The following RBM17 variants were observed in gnomAD, a reference collection of about 807,000 sequenced individuals.
The protein encoded by RBM17 is splicing factor 45.
Under a neutral mutation model 53.2 loss-of-function variants are expected in RBM17, and 7 were observed. The observed-to-expected ratio is 0.13, with a 90% CI of 0.07 to 0.25. RBM17 has a LOEUF of 0.25. Among genes scored for constraint, RBM17 ranks in the 10% least tolerant of loss-of-function variants. The pLI, the probability that RBM17 is intolerant of heterozygous loss-of-function variation, is 1.00. For missense variants in RBM17, 257 were observed against 496.7 expected, an observed-to-expected ratio of 0.52 and a Z score of 4.59; for synonymous variants, 167 against 178.1, an observed-to-expected ratio of 0.94 and a Z score of 0.50.
intron 1 of RBM17, among the ~76,000 whole-genome samples, chr10:6,091,363 C>G (rs1184329592): frequency 6.6e-6 from 1 of 151,808 alleles, no homozygotes; most frequent in Non-Finnish European, 1.5e-5. Flanking sequence ...CCGGTCTTGC[C>G]ATATTCTTTA....
Position 6,101,355 on chromosome 10 carries a change from G to C in RBM17, c.208G>C (p.Asp70His). The C allele has an allele frequency of 6.2e-7, 1 of 1,613,534 alleles. No individual in the cohort carries two copies. The highest frequency in any genetic ancestry group is 8.5e-7 in the Non-Finnish European group (1 of 1,179,794). ...CTCCTCAGATGACCGGCAAATTGTG[G>C]ACACTCCACCGCATGTAGCAGCTGG... ...GGSSDDRQIV[D>H]TPPHVAAGLK... Residue 70 changes from aspartate (D) to histidine (H), a missense_variant, in exon 3 of 12, where the codon GAC becomes CAC. This residue lies in a region of RBM17 where 127 missense variants were observed against 217.2 expected (regional missense o/e 0.58). Transcript: ENST00000379888.
chr10:6,101,112 A>G (rs1331455624), intron 2 of RBM17, among the ~76,000 whole-genome samples, 159 bp from the exon 3 acceptor site: 1 of 152,228 alleles, frequency 6.6e-6, no homozygotes, highest in Non-Finnish European at 1.5e-5. Flanking sequence ...AAAATAATAT[A>G]TGATTATAGT....
intron 1 of RBM17, among the ~76,000 whole-genome samples, chr10:6,090,767 A>C (rs1355028276): frequency 6.6e-6 from 1 of 152,024 alleles, no homozygotes; most frequent in Non-Finnish European, 1.5e-5. Flanking sequence ...CTGTGTTTGC[A>C]ATACTAGCCT....
At chr10:6,099,506 T>G (rs1211107847) in intron 2 of RBM17, among the ~76,000 whole-genome samples, 2 of 152,170 alleles carry the variant, frequency 1.3e-5, no homozygotes, top group Admixed American at 1.3e-4. Flanking sequence ...CGTGCCCAAG[T>G]CCCTTATATA....
chr10:6,096,260 G>A (rs1224342887), intron 1 of RBM17, among the ~76,000 whole-genome samples: 3 of 152,124 alleles, frequency 2.0e-5, no homozygotes, highest in Admixed American at 6.5e-5. Context: ...AGGGGCTTCC[G>A]CTGTGGCCTT....
intron 3 of RBM17, among the ~76,000 whole-genome samples, chr10:6,101,656 G>A (rs3930531): frequency 7.2e-5 from 11 of 151,986 alleles, no homozygotes; most frequent in African/African-American, 2.7e-4. Context: ...AGTGAAAAAC[G>A]TAATATTTTT....
Position 6,112,382 on chromosome 10 carries a change from G to C in RBM17, c.856+21G>C. The C allele has an allele frequency of 6.2e-7, 1 of 1,613,448 alleles. No homozygotes were observed. Among genetic ancestry groups the C allele is most frequent in the Non-Finnish European group, 8.5e-7 (1 of 1,179,786 alleles). ...GAAAGGTGTGTCCCCAGGGAAGCGT[G>C]TGACTAGAGGGAAAGGACTGGCCCC... On this transcript the variant is annotated intron_variant, in intron 8 of 11. Coordinates refer to ENST00000379888, the MANE Select transcript of RBM17 (RefSeq NM_032905.5). The surrounding 1 kb of genome is among the most constrained non-coding windows in gnomAD (Gnocchi z 4.4).
chr10:6,117,233 C>G lies in RBM17; in HGVS notation c.*1677C>G, dbSNP rs781551249. 3 of 152,302 alleles carry G rather than the reference C, an allele frequency of 2.0e-5. No homozygotes were observed. Among genetic ancestry groups the G allele is most frequent in the African/African-American group, 7.2e-5 (3 of 41,444 alleles). 9.4% of individuals were successfully genotyped at this position (152,302 alleles called of 1,614,324 possible). ...TTGATTTCCGTTCGCATGAGGACAG[C>G]TTGGTGTGTGCCTTTCTCCCCAGTC... On this transcript the variant is annotated 3_prime_UTR_variant, in exon 12 of 12. Coordinates refer to ENST00000379888, the MANE Select transcript of RBM17 (RefSeq NM_032905.5).
chr10:6,107,507 ACT>A (rs1491521979), intron 5 of RBM17, among the ~76,000 whole-genome samples: 2 of 18,390 alleles, frequency 1.1e-4, no homozygotes, highest in African/African-American at 3.4e-4. Context: ...TTTTGGAGAC[ACT>A]CTTGCTCTGT....
chr10:6,098,365 T>G (rs989886392), intron 2 of RBM17, among the ~76,000 whole-genome samples: 3 of 152,114 alleles, frequency 2.0e-5, no homozygotes, highest in African/African-American at 7.2e-5. Context: ...AGATGTGTAC[T>G]GAAATATTTA....
chr10:6,093,766 T>C (rs1840525605), intron 1 of RBM17, among the ~76,000 whole-genome samples: 1 of 152,212 alleles, frequency 6.6e-6, no homozygotes, highest in African/African-American at 2.4e-5. Flanking sequence ...TATTTTTAGA[T>C]TTTTAGAATG....
intron 3 of RBM17, among the ~76,000 whole-genome samples, chr10:6,104,608 A>C (rs1013392297): frequency 6.6e-6 from 1 of 152,216 alleles, no homozygotes; most frequent in African/African-American, 2.4e-5. Context: ...GTGCTTTACT[A>C]TAAGTATTCT....
intron 2 of RBM17, among the ~76,000 whole-genome samples, chr10:6,098,736 T>C (rs909065268): frequency 1.3e-5 from 2 of 152,072 alleles, no homozygotes; most frequent in African/African-American, 4.8e-5. Flanking sequence ...CCACTGCGCC[T>C]GCGGTGTTTC....
intron 3 of RBM17, 67 bp downstream of exon 3, chr10:6,101,454 A>T: frequency 5.2e-6 from 5 of 958,928 alleles, no homozygotes; most frequent in Non-Finnish European, 8.0e-6. Context: ...TTTGCATATG[A>T]GTTACTCTTA....
chr10:6,092,777 A>C (rs976092390), intron 1 of RBM17, among the ~76,000 whole-genome samples: 2 of 152,260 alleles, frequency 1.3e-5, no homozygotes, highest in Non-Finnish European at 2.9e-5. Context: ...TATAAGCTCA[A>C]TGTTACAGAA....
chr10:6,096,523 TTTAAGATGTAACCAGTC>T (rs1840577359), intron 1 of RBM17, among the ~76,000 whole-genome samples: 1 of 152,194 alleles, frequency 6.6e-6, no homozygotes, highest in Non-Finnish European at 1.5e-5. Context: ...AATCAGAGTA[TTTAAGATGTAACCAGTC>T]TACTCCCCCC....
At chr10:6,115,192 A>G (rs377555009) in intron 10 of RBM17, 47 bp from the exon 11 acceptor site, 274 of 1,460,296 alleles carry the variant, frequency 1.9e-4, no homozygotes, top group African/African-American at 2.5e-4. Flanking sequence ...AACTCATTCA[A>G]TGCAATCTCA....
At chr10:6,091,145 A>G (rs1172074633) in intron 1 of RBM17, among the ~76,000 whole-genome samples, 1 of 151,604 alleles carries the variant, frequency 6.6e-6, no homozygotes, top group African/African-American at 2.4e-5. Flanking sequence ...TGCAACCTCC[A>G]CTTCCCAGGT....
rs1193024799 is a variant in RBM17, at chr10:6,089,395, C to G, written c.-19+202C>G. 6.5e-6 allele frequency: 1 copy of G among 153,030 alleles called. No individual in the cohort carries two copies. Among genetic ancestry groups the G allele is most frequent in the African/African-American group, 2.4e-5 (1 of 41,466 alleles). 9.5% of individuals were successfully genotyped at this position (153,030 alleles called of 1,614,324 possible). On this transcript the variant is annotated intron_variant, in intron 1 of 11. Coordinates refer to ENST00000379888, the MANE Select transcript of RBM17 (RefSeq NM_032905.5). This position sits in a 1 kb window ranked among gnomAD's most constrained non-coding sequence, Gnocchi z 5.6. ...CTCCACGCGGCTGCGGCCCGGTACC[C>G]TCCGCCCGCCGCCGCCTCTGGTGAC...
Sources: gnomAD v4.1 joint callset for allele counts (sites outside exome capture counted in the v4.1 genomes callset) on GRCh38, gnomAD v4.1.1 for gene constraint, gnomAD v4.1.1 regional missense constraint, Gnocchi (gnomAD v3.1) non-coding constraint, MANE v1.5 for transcripts, NCBI Gene and HGNC (gene_info 2026-07-23, HGNC 2026-07-21) for gene names.